The following ZNF385A variants were observed in gnomAD, a reference collection of about 807,000 sequenced individuals.
The protein encoded by ZNF385A is zinc finger protein 385A.
A neutral mutation model predicts 32.1 loss-of-function variants in ZNF385A; 14 were observed. That is an observed-to-expected ratio of 0.44 (90% CI 0.29 to 0.68). The LOEUF (loss-of-function observed/expected upper bound fraction) is 0.68. Ranked by LOEUF, ZNF385A falls within the 30% of genes least tolerant of loss-of-function variation. The pLI is 0.14. For missense variants in ZNF385A, 406 were observed against 478.4 expected (o/e 0.85, Z 1.41); for synonymous variants, 197 against 202.7 (o/e 0.97, Z 0.24).
chr12:54,386,906 A>G (rs1409934531), upstream of ZNF385A, among the ~76,000 whole-genome samples: 1 of 152,226 alleles, frequency 6.6e-6, no homozygotes, highest in Non-Finnish European at 1.5e-5. Context: ...TGATTCAATG[A>G]AGTAGCTGAT....
intron 1 of ZNF385A, among the ~76,000 whole-genome samples, chr12:54,381,880 G>A (rs1227008992): frequency 6.6e-6 from 1 of 151,900 alleles, no homozygotes; most frequent in East Asian, 1.9e-4. Flanking sequence ...TGATACTTGG[G>A]CTTCCATGCA....
At chr12:54,390,285 G>A (rs952656894) in intron 1 of ZNF385A, among the ~76,000 whole-genome samples, 1 of 152,028 alleles carries the variant, frequency 6.6e-6, no homozygotes, top group Non-Finnish European at 1.5e-5. Flanking sequence ...GAGGGCAGGG[G>A]CATGCAGCCG....
intron 2 of ZNF385A, among the ~76,000 whole-genome samples, chr12:54,374,848 T>C (rs73316361): frequency 0.053 from 8,027 of 152,218 alleles, 721 homozygotes; most frequent in African/African-American, 0.19. Context: ...ATAGACAGGA[T>C]GCCTGGGGTC....
chr12:54,374,279 C>G, intron 2 of ZNF385A, 144 bp from the exon 3 acceptor site: 1 of 730,612 alleles, frequency 1.4e-6, no homozygotes, highest in Middle Eastern at 4.3e-4. Context: ...AGCCCCATAC[C>G]AATAAGTCCT....
rs901981350 is a variant in ZNF385A, at chr12:54,384,461, G to C, written c.54C>G (p.Ala18=). ...KQILPFPLEP[A]PTLGLFSNYS... is the part of the protein sequence containing the mutation. ...AGTTGCTGAAGAGGCCAAGGGTAGG[G>C]GCTGGCTCGAGTGGGAAGGGCAGGA... Residue 18 remains alanine, a synonymous_variant, in exon 1 of 7, where the codon GCC becomes GCG. Coordinates refer to ENST00000394313, the MANE Select transcript of ZNF385A (RefSeq NM_015481.3). 1.9e-6 allele frequency: 3 copies of C among 1,591,778 alleles called. No individual in the cohort carries two copies. Among genetic ancestry groups the C allele is most frequent in the Non-Finnish European group, 2.6e-6 (3 of 1,169,680 alleles).
upstream of ZNF385A, among the ~76,000 whole-genome samples, chr12:54,386,144 C>T (rs1398910242): frequency 1.3e-5 from 2 of 151,384 alleles, no homozygotes; most frequent in Non-Finnish European, 2.9e-5. Flanking sequence ...TCCTCTGTCA[C>T]CTTCAAGGTT....
In ZNF385A at chr12:54,375,891, G is replaced by A. The variant is rs932130644; in HGVS notation, c.151C>T (p.Arg51Trp). ...TFGGPLLKTKRPVISCNICQI... is the reference protein window; with the variant it reads ...TFGGPLLKTKWPVISCNICQI... ...CAGATATTACAGGAAATGACGGGCCGCTTGGTCTTGAGCAAGGGTCCCCCA... is the reference window on the plus strand; with the variant it reads ...CAGATATTACAGGAAATGACGGGCCACTTGGTCTTGAGCAAGGGTCCCCCA... Residue 51 changes from arginine to tryptophan, a missense_variant, in exon 2 of 7, where the codon CGG becomes TGG. Transcript: ENST00000394313. The A allele has an allele frequency of 9.9e-6, 16 of 1,614,038 alleles. No homozygotes were observed. Among genetic ancestry groups the A allele is most frequent in the Admixed American group, 3.3e-5 (2 of 60,002 alleles).
upstream of ZNF385A, chr12:54,385,658 C>A (rs1955443679): frequency 3.0e-6 from 3 of 985,398 alleles, no homozygotes; most frequent in Non-Finnish European, 3.6e-6. Context: ...CTCCAGACAC[C>A]ACCCCCTTTC....
Position 54,371,050 on chromosome 12 carries a change from G to A in ZNF385A, c.651C>T (p.Pro217=), listed in dbSNP as rs577019442. 6.2e-7 allele frequency: 1 copy of A among 1,614,006 alleles called. No individual in the cohort carries two copies. Among genetic ancestry groups the A allele is most frequent in the East Asian group, 2.2e-5 (1 of 44,880 alleles). ...TILEARSGLG[P]IKAYPRLGPP... is the part of the protein sequence containing the mutation. ...GCCCCAGCCGAGGGTAAGCTTTGAT[G>A]GGCCCGAGCCCACTTCGGGCCTCCA... Residue 217 remains proline (P), a synonymous_variant, in exon 5 of 7, where the codon CCC becomes CCT. Coordinates refer to ENST00000394313, the MANE Select transcript of ZNF385A (RefSeq NM_015481.3).
chr12:54,389,356 C>T (rs886715800), upstream of ZNF385A, among the ~76,000 whole-genome samples: 27 of 152,198 alleles, frequency 1.8e-4, no homozygotes, highest in African/African-American at 5.6e-4. Flanking sequence ...GGGGTGGGGC[C>T]GGAGCCCTGG....
At chr12:54,381,804 C>T (rs1014369847) in intron 1 of ZNF385A, among the ~76,000 whole-genome samples, 2 of 152,150 alleles carry the variant, frequency 1.3e-5, no homozygotes, top group African/African-American at 2.4e-5. Flanking sequence ...TTTTCCTCTG[C>T]TCTCTGTTTT....
At chr12:54,380,722 A>G (rs1168295692) in intron 1 of ZNF385A, among the ~76,000 whole-genome samples, 1 of 151,924 alleles carries the variant, frequency 6.6e-6, no homozygotes, top group East Asian at 1.9e-4. Context: ...TTCTCTCTTT[A>G]CTCCTCTTTT....
At chr12:54,381,070 C>T (rs1955140424) in intron 1 of ZNF385A, among the ~76,000 whole-genome samples, 1 of 151,782 alleles carries the variant, frequency 6.6e-6, no homozygotes, top group Non-Finnish European at 1.5e-5. Context: ...GTGGTGTGCA[C>T]CTGTAGCCAC....
chr12:54,386,173 G>GACACACACACACACAC (rs57780822), upstream of ZNF385A, among the ~76,000 whole-genome samples: 72 of 138,120 alleles, frequency 5.2e-4, no homozygotes, highest in African/African-American at 1.8e-3. Flanking sequence ...GTGGAGAGAG[G>GACACACACACACACAC]ACACACACAC....
At position 54,371,911 on chromosome 12, in the gene ZNF385A, G is replaced by T. The variant is rs1491000335; in HGVS notation, c.362-196C>A. Among the ~76,000 whole-genome samples the T allele has an allele frequency of 2.0e-5, 3 of 152,246 alleles. No individual in the cohort carries two copies. The South Asian group carries it at 6.2e-4, about 31-fold the overall frequency. On this transcript the variant is annotated intron_variant, in intron 3 of 6. Coordinates refer to ENST00000394313, the MANE Select transcript of ZNF385A (RefSeq NM_015481.3). Reference sequence around the variant, plus strand: ...CGCAGGCTGGGTGTGAAACTCCAATGCTTGGCTCATTCTCCATTAGCTGGG... The same window carrying T: ...CGCAGGCTGGGTGTGAAACTCCAATTCTTGGCTCATTCTCCATTAGCTGGG...
At position 54,384,529 on chromosome 12, in the gene ZNF385A, G is replaced by C; in HGVS notation, c.-15C>G. On this transcript the variant is annotated 5_prime_UTR_variant, in exon 1 of 7. Transcript: ENST00000394313. Reference sequence around the variant, plus strand: ...GGGGGCTGCATGATCGGGGGCTGCCGTAGCAGAGGCAGGGGCCCTGCCCGG... The same window carrying C: ...GGGGGCTGCATGATCGGGGGCTGCCCTAGCAGAGGCAGGGGCCCTGCCCGG... 3 of 1,513,584 alleles carry C rather than the reference G, an allele frequency of 2.0e-6. No individual in the cohort carries two copies. Among genetic ancestry groups the C allele is most frequent in the Non-Finnish European group, 2.6e-6 (3 of 1,133,676 alleles). 93.8% of individuals were successfully genotyped at this position (1,513,584 alleles called of 1,614,324 possible). A position where few individuals can be genotyped will look rare whatever the true frequency, so the allele number is the denominator to read the frequency against.
chr12:54,381,078 C>T (rs1204736565), intron 1 of ZNF385A, among the ~76,000 whole-genome samples: 1 of 151,428 alleles, frequency 6.6e-6, no homozygotes, highest in African/African-American at 2.4e-5. Flanking sequence ...CACCTGTAGC[C>T]ACAGCTACTC....
At chr12:54,371,355 C>A in intron 4 of ZNF385A, 118 bp downstream of exon 4, 1 of 1,368,732 alleles carries the variant, frequency 7.3e-7, no homozygotes, top group Non-Finnish European at 9.9e-7. Flanking sequence ...AGGAGACAGG[C>A]AGATAGGCTG....
At position 54,384,528 on chromosome 12, in the gene ZNF385A, C is replaced by T. The variant is rs373707693; in HGVS notation, c.-14G>A. 2.2e-5 allele frequency: 34 copies of T among 1,513,834 alleles called. No homozygotes were observed. The highest frequency in any genetic ancestry group is 7.1e-5 in the African/African-American group (5 of 70,196). The allele number at this position is 1,513,834 out of a possible 1,614,324, so 93.8% of individuals were successfully genotyped here. A position where few individuals can be genotyped will look rare whatever the true frequency, so the allele number is the denominator to read the frequency against. The stretch of plus-strand genomic sequence containing the variant: ...TGGGGGCTGCATGATCGGGGGCTGC[C>T]GTAGCAGAGGCAGGGGCCCTGCCCG... On this transcript the variant is annotated 5_prime_UTR_variant, in exon 1 of 7. Coordinates refer to ENST00000394313, the MANE Select transcript of ZNF385A (RefSeq NM_015481.3).
Sources: allele counts gnomAD v4.1 joint callset (sites outside exome capture counted in the v4.1 genomes callset), GRCh38; gene constraint gnomAD v4.1.1; transcripts MANE v1.5; gene names NCBI Gene and HGNC (gene_info 2026-07-23, HGNC 2026-07-21).